The following NFU1 variants were observed in gnomAD, a reference collection of about 807,000 sequenced individuals.
The protein encoded by NFU1 is NFU1 iron-sulfur cluster scaffold.
Under a neutral mutation model 32.2 loss-of-function variants are expected in NFU1, and 30 were observed. The ratio of observed to expected loss-of-function variants is 0.93; its 90% CI spans 0.70 to 1.26. The LOEUF (loss-of-function observed/expected upper bound fraction) is 1.26. Among genes scored for constraint, NFU1 ranks in the 50% most tolerant of loss-of-function variants. The probability of loss-of-function intolerance (pLI) is 0.00; values close to 1 mark genes in which losing one functional copy is unlikely to be tolerated. For synonymous variants in NFU1, 112 were observed against 104.6 expected (o/e 1.07, Z -0.43); for missense variants, 306 against 306.6 (o/e 1.00, Z 0.02).
chr2:69,424,100 A>G (rs1365545288), intron 2 of NFU1, among the ~76,000 whole-genome samples: 1 of 134,000 alleles, frequency 7.5e-6, no homozygotes, highest in African/African-American at 2.8e-5. Context: ...TGAACCTGCG[A>G]GGCGGAGGTT....
At chr2:69,439,141 C>CT (rs1191737123), upstream of NFU1, among the ~76,000 whole-genome samples, 5 of 152,092 alleles carry the variant, frequency 3.3e-5, no homozygotes, top group African/African-American at 1.2e-4. Context: ...GGTCTGCACT[C>CT]TTAGTCTCTA....
At chr2:69,434,412 G>A (rs1176335636) in intron 1 of NFU1, among the ~76,000 whole-genome samples, 5 of 152,144 alleles carry the variant, frequency 3.3e-5, no homozygotes, top group South Asian at 2.1e-4. Flanking sequence ...AAAGTGCTGG[G>A]ATTACAGGCG....
intron 6 of NFU1, 152 bp from the exon 7 acceptor site, chr2:69,400,690 T>A: frequency 1.5e-6 from 1 of 664,958 alleles, no homozygotes; most frequent in Non-Finnish European, 2.5e-6. Context: ...GTGGCTAAGT[T>A]TTATTTAGAA....
chr2:69,431,955 T>C lies in NFU1; in HGVS notation c.113A>G (p.His38Arg), dbSNP rs1434033701. The C allele has an allele frequency of 6.2e-7, 1 of 1,613,828 alleles. No homozygotes were observed. ...NPYTIKKQPL[H>R]QFVQRPLFPL... is the part of the protein sequence containing the mutation. ...GAAAAGTGGTCTTTGTACAAACTGATGCAGAGGCTGTTTCTTAATGGTGTA... is the reference window on the plus strand; with the variant it reads ...GAAAAGTGGTCTTTGTACAAACTGACGCAGAGGCTGTTTCTTAATGGTGTA... Residue 38 changes from histidine (H) to arginine (R), a missense_variant, in exon 2 of 8, where the codon CAT (histidine) becomes CGT (arginine). Coordinates refer to ENST00000410022, the MANE Select transcript of NFU1 (RefSeq NM_001002755.4).
At chr2:69,408,660 C>A (rs1293220759) in intron 5 of NFU1, among the ~76,000 whole-genome samples, 1 of 150,780 alleles carries the variant, frequency 6.6e-6, no homozygotes, top group Non-Finnish European at 1.5e-5. Context: ...GCGGAGGTTG[C>A]AGTGAGCTGA....
At chr2:69,405,933 C>G in intron 6 of NFU1, 89 bp downstream of exon 6, 1 of 845,826 alleles carries the variant, frequency 1.2e-6, no homozygotes, top group Admixed American at 1.8e-5. Flanking sequence ...TGAAAATCTA[C>G]TATAATCTCA....
intron 6 of NFU1, among the ~76,000 whole-genome samples, chr2:69,401,366 C>T (rs1319736526): frequency 1.3e-5 from 2 of 152,180 alleles, no homozygotes; most frequent in Non-Finnish European, 2.9e-5. Context: ...TTATAAATCA[C>T]GTAGAATTAC....
At chr2:69,423,842 AT>A (rs1673350754) in intron 2 of NFU1, 125 bp from the exon 3 acceptor site, 3 of 731,528 alleles carry the variant, frequency 4.1e-6, no homozygotes, top group African/African-American at 3.6e-5. Flanking sequence ...CCAAGGCTTT[AT>A]TGCCCTGACA....
intron 4 of NFU1, among the ~76,000 whole-genome samples, 196 bp downstream of exon 4, chr2:69,419,331 AAAAAGAAAAAG>A (rs1398954889): frequency 8.5e-5 from 13 of 152,328 alleles, no homozygotes; most frequent in South Asian, 6.2e-4. Flanking sequence ...TCATCTCAAA[AAAAAGAAAAAG>A]AAAAGAAAAA....
intron 1 of NFU1, among the ~76,000 whole-genome samples, chr2:69,433,938 TAG>T (rs1363481599): frequency 5.1e-5 from 5 of 98,814 alleles, no homozygotes; most frequent in Middle Eastern, 4.7e-3. Flanking sequence ...CATGCCCAGC[TAG>T]TTTTTTTTTT....
chr2:69,400,381 C>T lies in NFU1; in HGVS notation c.703G>A (p.Val235Ile). 1.2e-6 allele frequency: 2 copies of T among 1,614,066 alleles called. No homozygotes were observed. The highest frequency in any genetic ancestry group is 2.2e-5 in the South Asian group (2 of 91,084). ...TGGCATACCTGTTCTACGCCTTCTA[C>T]CTCCGGAATATAAAACTGCAGCATG... ...QNMLQFYIPE[V>I]EGVEQVMDDE... Residue 235 changes from valine (V) to isoleucine (I), a missense_variant, in exon 7 of 8, where the codon GTA becomes ATA. Transcript: ENST00000410022.
intron 4 of NFU1, among the ~76,000 whole-genome samples, chr2:69,419,249 C>T (rs1009760351): frequency 2.0e-5 from 3 of 151,970 alleles, no homozygotes; most frequent in Non-Finnish European, 4.4e-5. Flanking sequence ...ATCACTTGGA[C>T]CTGGGAGGCA....
At chr2:69,436,281 C>T (rs1026325374) in intron 1 of NFU1, among the ~76,000 whole-genome samples, 11 of 152,152 alleles carry the variant, frequency 7.2e-5, no homozygotes, top group African/African-American at 2.7e-4. Context: ...GCAGTAAGTG[C>T]TCAATAAATG....
At chr2:69,405,915 A>G in intron 6 of NFU1, 107 bp downstream of exon 6, 1 of 761,262 alleles carries the variant, frequency 1.3e-6, no homozygotes. Flanking sequence ...ATTAACTTGC[A>G]CTTATTTTGA....
At chr2:69,433,239 C>T (rs1641447023) in intron 1 of NFU1, among the ~76,000 whole-genome samples, 1 of 150,418 alleles carries the variant, frequency 6.6e-6, no homozygotes, top group South Asian at 2.1e-4. Flanking sequence ...AGTGCAATGG[C>T]ACAATCTCGG....
At chr2:69,427,572 T>TG (rs1407075902) in intron 2 of NFU1, among the ~76,000 whole-genome samples, 1 of 145,180 alleles carries the variant, frequency 6.9e-6, no homozygotes, top group African/African-American at 2.6e-5. Context: ...CCCAGCTACT[T>TG]GGGAGGCTGA....
In NFU1 at chr2:69,404,615, ATTT is replaced by A. The variant is rs534309730; in HGVS notation, c.545+1404_545+1406del. Among the ~76,000 whole-genome samples, 41 of 73,006 alleles carry A rather than the reference ATTT, an allele frequency of 5.6e-4. 2 individuals carry two copies. Among genetic ancestry groups the A allele is most frequent in the African/African-American group, 2.0e-3 (32 of 15,932 alleles). The allele number at this position is 73,006 out of a possible 152,430, so 47.9% of individuals were successfully genotyped here. A position where few individuals can be genotyped will look rare whatever the true frequency, so the allele number is the denominator to read the frequency against. ...CACTTAATAACTACTATCTTAGCAA[ATTT>A]TTTTTTTTTTTTTTTTTTTTGAGAA... On this transcript the variant is annotated intron_variant, in intron 6 of 7. Coordinates refer to ENST00000410022, the MANE Select transcript of NFU1 (RefSeq NM_001002755.4).
intron 7 of NFU1, among the ~76,000 whole-genome samples, chr2:69,399,877 T>G (rs1672460241): frequency 5.8e-5 from 1 of 17,192 alleles, no homozygotes; most frequent in Non-Finnish European, 1.1e-4. Flanking sequence ...AGTTACTTCA[T>G]TTTTTTTTTT....
intron 5 of NFU1, among the ~76,000 whole-genome samples, chr2:69,408,770 A>G (rs1574120771): frequency 3.6e-5 from 5 of 138,834 alleles, no homozygotes. Context: ...ATATATATAT[A>G]CACACACACA....
Sources: allele counts gnomAD v4.1 joint callset (sites outside exome capture counted in the v4.1 genomes callset), GRCh38; gene constraint gnomAD v4.1.1; transcripts MANE v1.5; gene names NCBI Gene and HGNC (gene_info 2026-07-23, HGNC 2026-07-21).